TRARG1: variants seen among roughly 807,000 people sequenced by gnomAD.
TRARG1 encodes trafficking regulator of GLUT4 (SLC2A4) 1 (gene/pseudogene).
TRARG1 carries 16 observed loss-of-function variants against 13.3 expected under a neutral mutation model. The ratio of observed to expected loss-of-function variants is 1.20; its 90% confidence interval spans 0.81 to 1.83. TRARG1 has a LOEUF of 1.83. Ranked by LOEUF, TRARG1 falls within the 40% of genes most tolerant of loss-of-function variation. TRARG1 has a pLI of 0.00. For missense variants in TRARG1, 250 were observed against 237.4 expected (o/e 1.05, Z -0.35); for synonymous variants, 113 against 106.2 (o/e 1.06, Z -0.39).
In TRARG1 at chr17:1,280,023, G is replaced by A. The variant is rs758716428; in HGVS notation, c.22G>A (p.Glu8Lys). 3.1e-6 allele frequency: 5 copies of A among 1,612,668 alleles called. No individual in the cohort carries two copies. Among genetic ancestry groups the A allele is most frequent in the South Asian group, 1.1e-5 (1 of 91,000 alleles). The change falls in exon 1 of 3, where the codon GAG becomes AAG. Residue 8 changes from glutamate (E) to lysine (K), a missense_variant. Physicochemically the swap from Glu to Lys is moderately conservative, Grantham distance 56. Transcript: ENST00000333813. MAHPVQS[E>K]FPSAQEPGSA... ...CCCCATGGCCCACCCGGTGCAGTCC[G>A]AGTTTCCTTCAGCACAGGAGCCAGG...
At chr17:1,280,647 G>T (rs2071966685) in intron 1 of TRARG1, among the ~76,000 whole-genome samples, 1 of 152,176 alleles carries the variant, frequency 6.6e-6, no homozygotes, top group African/African-American at 2.4e-5. Context: ...CTGCTGGGGA[G>T]GGGCCCTCAG....
At chr17:1,284,707 G>C (rs930809060) in intron 1 of TRARG1, among the ~76,000 whole-genome samples, 1 of 151,540 alleles carries the variant, frequency 6.6e-6, no homozygotes, top group African/African-American at 2.4e-5. Flanking sequence ...TTGAGATGGA[G>C]TCTTGCTCTG....
chr17:1,284,755 A>C (rs1419419092), intron 1 of TRARG1, among the ~76,000 whole-genome samples: 1 of 151,598 alleles, frequency 6.6e-6, no homozygotes, highest in Admixed American at 6.6e-5. Flanking sequence ...ATCTCAACTC[A>C]CTGCAAGCTC....
At chr17:1,282,251 T>TGCAC (rs1185579030) in intron 1 of TRARG1, among the ~76,000 whole-genome samples, 1 of 121,160 alleles carries the variant, frequency 8.3e-6, no homozygotes, top group Non-Finnish European at 1.8e-5. Flanking sequence ...TGCACGTATA[T>TGCAC]GTACGTATAT....
At chr17:1,295,143 G>C (rs1385593994) in intron 1 of TRARG1, among the ~76,000 whole-genome samples, 1 of 152,186 alleles carries the variant, frequency 6.6e-6, no homozygotes, top group East Asian at 1.9e-4. Context: ...TGGCCTGTCT[G>C]TTCTTGCCAG....
In TRARG1 at chr17:1,286,439, C is replaced by T. The variant is rs563694130; in HGVS notation, c.387+6051C>T. On this transcript the variant is annotated intron_variant, in intron 1 of 2. Transcript: ENST00000333813. ...TTATCAGCCTGTGGGGTGTTGTTGT[C>T]GGCCTGTGAGTTGTTATCGGCCTGT... Among the ~76,000 whole-genome samples the T allele has an allele frequency of 5.1e-5, 5 of 97,802 alleles. No homozygotes were observed. In the East Asian group the frequency reaches 7.1e-4, roughly 14 times the overall value. 64.2% of individuals were successfully genotyped at this position (97,802 alleles called of 152,430 possible).
Position 1,280,238 on chromosome 17 carries a change from C to T in TRARG1, c.237C>T (p.Ser79=). The T allele has an allele frequency of 6.2e-7, 1 of 1,614,066 alleles. No individual in the cohort carries two copies. The highest frequency in any genetic ancestry group is 8.5e-7 in the Non-Finnish European group (1 of 1,179,998). ...AGGCCCCACTGCCTCGGTCCCCCTC[C>T]CGGGCCAGCTCAAGGAGGGCGTCCT... ...HLEAPLPRSP[S]RASSRRASSI... Residue 79 remains serine, a synonymous_variant, in exon 1 of 3, where the codon TCC becomes TCT. Coordinates refer to ENST00000333813, the MANE Select transcript of TRARG1 (RefSeq NM_172367.3).
intron 1 of TRARG1, among the ~76,000 whole-genome samples, chr17:1,290,893 G>A (rs1003204105): frequency 4.3e-5 from 6 of 138,644 alleles, no homozygotes; most frequent in Non-Finnish European, 1.5e-5. Flanking sequence ...GAGTTCTCGC[G>A]AGATCTGATG....
intron 1 of TRARG1, among the ~76,000 whole-genome samples, chr17:1,285,008 C>G (rs919091426): frequency 2.0e-5 from 3 of 152,026 alleles, no homozygotes; most frequent in Non-Finnish European, 4.4e-5. Flanking sequence ...AACCAGGCAC[C>G]GTGTTGGCAT....
chr17:1,292,221 A>G (rs2072074358), intron 1 of TRARG1, among the ~76,000 whole-genome samples: 1 of 151,602 alleles, frequency 6.6e-6, no homozygotes, highest in Non-Finnish European at 1.5e-5. Context: ...AGGAAATGTA[A>G]GCTGGCCTGC....
At chr17:1,282,065 TAC>T (rs906141118) in intron 1 of TRARG1, among the ~76,000 whole-genome samples, 3 of 149,870 alleles carry the variant, frequency 2.0e-5, no homozygotes, top group Non-Finnish European at 4.4e-5. Flanking sequence ...TGTACATGTA[TAC>T]ACATATATAC....
At chr17:1,292,424 C>T (rs188888586) in intron 1 of TRARG1, among the ~76,000 whole-genome samples, 8 of 152,258 alleles carry the variant, frequency 5.3e-5, no homozygotes, top group African/African-American at 1.7e-4. Context: ...CACTGGGCCC[C>T]GCTGCTCATG....
intron 1 of TRARG1, among the ~76,000 whole-genome samples, chr17:1,293,240 C>T (rs1379763716): frequency 3.4e-5 from 5 of 146,460 alleles, no homozygotes; most frequent in South Asian, 4.3e-4. Flanking sequence ...ACCGAGATTG[C>T]GCCACTGCAC....
chr17:1,288,776 C>T (rs1222169998), intron 1 of TRARG1, among the ~76,000 whole-genome samples: 1 of 53,270 alleles, frequency 1.9e-5, no homozygotes, highest in Non-Finnish European at 3.9e-5. Flanking sequence ...CCCCATCCCC[C>T]ACGGGCTCCC....
chr17:1,295,679 T>G (rs1292185691), intron 2 of TRARG1, 56 bp downstream of exon 2: 2 of 1,548,954 alleles, frequency 1.3e-6, no homozygotes, highest in Non-Finnish European at 1.7e-6. Flanking sequence ...TGAGGACTGC[T>G]CAAGGGTGTA....
intron 2 of TRARG1, among the ~76,000 whole-genome samples, chr17:1,297,441 G>A (rs574001924): frequency 6.6e-6 from 1 of 152,184 alleles, no homozygotes; most frequent in East Asian, 1.9e-4. Context: ...TGTGTGAATT[G>A]GAGCGTGTGT....
Position 1,298,274 on chromosome 17 carries a change from G to A in TRARG1, c.*10G>A. The A allele has an allele frequency of 6.2e-7, 1 of 1,613,286 alleles. No individual in the cohort carries two copies. The highest frequency in any genetic ancestry group is 8.5e-7 in the Non-Finnish European group (1 of 1,179,722). On this transcript the variant is annotated 3_prime_UTR_variant, in exon 3 of 3. Coordinates refer to ENST00000333813, the MANE Select transcript of TRARG1 (RefSeq NM_172367.3). ...AGTTCAGAAGAAATAAACTTAAGCA[G>A]GGAGCTGGGCTAGCAGAGGCCGGCC...
rs143132286 is a variant in TRARG1 at position 1,288,146 on chromosome 17, C to T, written c.388-7345C>T. Reference sequence around the variant, plus strand: ...CTGGAAGAAACCCCTTTTATCCACCCGGTTGTATTTGCTCTGCCATCACCT... The same window carrying T: ...CTGGAAGAAACCCCTTTTATCCACCTGGTTGTATTTGCTCTGCCATCACCT... On this transcript the variant is annotated intron_variant, in intron 1 of 2. Coordinates refer to ENST00000333813, the MANE Select transcript of TRARG1 (RefSeq NM_172367.3). 6.0e-4 allele frequency among the ~76,000 whole-genome samples: 91 copies of T among 152,060 alleles called. 1 individual carries two copies. In the East Asian group the frequency reaches 0.014, roughly 24 times the overall value.
At chr17:1,297,505 G>C (rs145316147) in intron 2 of TRARG1, among the ~76,000 whole-genome samples, 1 of 151,984 alleles carries the variant, frequency 6.6e-6, no homozygotes, top group African/African-American at 2.4e-5. Flanking sequence ...TGCAAGGCAG[G>C]AGCCCACCAG....
Sources: gnomAD v4.1 joint callset for allele counts (sites outside exome capture counted in the v4.1 genomes callset) on GRCh38, gnomAD v4.1.1 for gene constraint, MANE v1.5 for transcripts, NCBI Gene and HGNC (gene_info 2026-07-23, HGNC 2026-07-21) for gene names.